Variants in ARHGEF17 observed in about 807,000 individuals in gnomAD.
ARHGEF17 encodes the protein 164 kDa Rho-specific guanine-nucleotide exchange factor.
Under a neutral mutation model 174.0 loss-of-function variants are expected in ARHGEF17, and 80 were observed. That is an observed-to-expected ratio of 0.46 (90% CI 0.38 to 0.55). The LOEUF is 0.55. Ranked by LOEUF, ARHGEF17 falls within the 20% of genes least tolerant of loss-of-function variation. ARHGEF17 has a pLI of 0.00. For synonymous variants in ARHGEF17, 1,311 were observed against 1,189.1 expected (o/e 1.10, Z -2.11); for missense variants, 2,886 against 2,839.7 (o/e 1.02, Z -0.37).
rs756207604 is a variant in ARHGEF17, at chr11:73,309,734, G to A, written c.1096G>A (p.Val366Met). 3.7e-6 allele frequency: 6 copies of A among 1,612,684 alleles called. No individual in the cohort carries two copies. In the African/African-American group the frequency reaches 4.0e-5, roughly 11 times the overall value. ...QEGLRPMSDS[V>M]GGAFRVAKVS... ...GGGACTTCGGCCTATGTCTGACTCT[G>A]TGGGAGGAGCTTTCCGTGTGGCCAA... The change falls in exon 1 of 21, where the codon GTG (valine) becomes ATG (methionine). Residue 366 changes from valine (V) to methionine (M), a missense_variant. Val to Met is a conservative substitution (Grantham distance 21). Transcript: ENST00000263674.
intron 12 of ARHGEF17, 24 bp downstream of exon 12, chr11:73,361,185 G>A (rs1480737344): frequency 1.2e-6 from 2 of 1,610,832 alleles, no homozygotes; most frequent in Non-Finnish European, 1.7e-6. Context: ...TGGGTCACTT[G>A]GGTACATGTT....
chr11:73,327,921 G>A (rs1865130861), intron 1 of ARHGEF17, among the ~76,000 whole-genome samples: 1 of 152,138 alleles, frequency 6.6e-6, no homozygotes, highest in South Asian at 2.1e-4. Context: ...GAAAAGCTGA[G>A]TACTCACGTG....
intron 1 of ARHGEF17, among the ~76,000 whole-genome samples, chr11:73,333,164 T>G (rs1016056199): frequency 2.0e-5 from 3 of 151,988 alleles, no homozygotes; most frequent in African/African-American, 7.3e-5. Flanking sequence ...TTATTGCCAA[T>G]AATAATGACA....
rs746119675 is a variant in ARHGEF17, at chr11:73,365,977, G to C, written c.5995+30G>C. The C allele has an allele frequency of 6.3e-7, 1 of 1,584,450 alleles. No individual in the cohort carries two copies. The stretch of plus-strand genomic sequence containing the variant: ...GTCAGTGCATCATACCCCAAGCTAG[G>C]GATCATGGACATTTGGTTTAGGACT... On this transcript the variant is annotated intron_variant, in intron 20 of 20. Coordinates refer to ENST00000263674, the MANE Select transcript of ARHGEF17 (RefSeq NM_014786.4). This position sits in a 1 kb window ranked among gnomAD's most constrained non-coding sequence, Gnocchi z 4.9.
chr11:73,345,481 G>A (rs1865445358), intron 1 of ARHGEF17, among the ~76,000 whole-genome samples: 1 of 152,074 alleles, frequency 6.6e-6, no homozygotes, highest in Non-Finnish European at 1.5e-5. Context: ...AGAGGGCAAG[G>A]GATCTGAAGT....
chr11:73,349,632 C>CA lies in ARHGEF17; in HGVS notation c.3270+2680dup, dbSNP rs903111030. The stretch of plus-strand genomic sequence containing the variant: ...CTCTGTCTCAAAAAACAAAACAAAA[C>CA]AAAAAAAACAAAAGGTGATGACGGC... On this transcript the variant is annotated intron_variant, in intron 2 of 20. Coordinates refer to ENST00000263674, the MANE Select transcript of ARHGEF17 (RefSeq NM_014786.4). Among the ~76,000 whole-genome samples the CA allele has an allele frequency of 8.6e-5, 13 of 151,810 alleles. No homozygotes were observed. In the East Asian group the frequency reaches 9.7e-4, roughly 11 times the overall value.
chr11:73,342,455 TA>T (rs1865385586), intron 1 of ARHGEF17, among the ~76,000 whole-genome samples: 1 of 152,172 alleles, frequency 6.6e-6, no homozygotes, highest in East Asian at 1.9e-4. Flanking sequence ...AATAGTTATG[TA>T]AACACAGAAG....
At chr11:73,324,516 G>A (rs1479216294) in intron 1 of ARHGEF17, among the ~76,000 whole-genome samples, 8 of 152,210 alleles carry the variant, frequency 5.3e-5, no homozygotes, top group Admixed American at 5.2e-4. Context: ...GCCGTCCCGA[G>A]TCGGCACTGA....
At chr11:73,328,165 G>A (rs1012369585) in intron 1 of ARHGEF17, among the ~76,000 whole-genome samples, 1 of 152,158 alleles carries the variant, frequency 6.6e-6, no homozygotes, top group African/African-American at 2.4e-5. Flanking sequence ...AGAGGATGGG[G>A]TCACTGAGAG....
intron 1 of ARHGEF17, among the ~76,000 whole-genome samples, chr11:73,318,938 G>A (rs1369499255): frequency 5.3e-5 from 8 of 152,224 alleles, no homozygotes; most frequent in South Asian, 2.1e-4. Context: ...TGGCGGCCCT[G>A]GAGAGATCAA....
Position 73,356,365 on chromosome 11 carries a change from GCCCCACCCCACCCTA to G in ARHGEF17, c.3840+28_3840+42del, listed in dbSNP as rs767307041. 1.1e-5 allele frequency: 17 copies of G among 1,593,334 alleles called. No homozygotes were observed. Among genetic ancestry groups the G allele is most frequent in the Admixed American group, 1.0e-4 (6 of 58,922 alleles). On this transcript the variant is annotated intron_variant, in intron 6 of 20. Coordinates refer to ENST00000263674, the MANE Select transcript of ARHGEF17 (RefSeq NM_014786.4). ...GGCATGGAGGATGTGCGTGCGCCCT[GCCCCACCCCACCCTA>G]CCCCACCCCACCCACATCTGTGTCC...
At position 73,365,994 on chromosome 11, in the gene ARHGEF17, T is replaced by C. The variant is rs1865831340; in HGVS notation, c.5995+47T>C. 6.4e-7 allele frequency: 1 copy of C among 1,570,302 alleles called. No homozygotes were observed. Among genetic ancestry groups the C allele is most frequent in the Non-Finnish European group, 8.6e-7 (1 of 1,159,614 alleles). ...CAAGCTAGGGATCATGGACATTTGGTTTAGGACTCCCCACTATCCTGCCAG... is the reference window on the plus strand; with the variant it reads ...CAAGCTAGGGATCATGGACATTTGGCTTAGGACTCCCCACTATCCTGCCAG... On this transcript the variant is annotated intron_variant, in intron 20 of 20. Transcript: ENST00000263674. The surrounding 1 kb of genome is among the most constrained non-coding windows in gnomAD (Gnocchi z 4.9).
rs377632104 is a variant in ARHGEF17 at position 73,363,724 on chromosome 11, C to T, written c.5247-23C>T. The T allele has an allele frequency of 4.3e-5, 69 of 1,613,076 alleles. 1 individual carries two copies. The African/African-American group carries it at 8.0e-4, about 19-fold the overall frequency. ...GCTGGTGTGCCCCAAGCATTTGTCC[C>T]AGGTGCATACCCCGATCCACAGTGT... On this transcript the variant is annotated intron_variant, in intron 15 of 20. Coordinates refer to ENST00000263674, the MANE Select transcript of ARHGEF17 (RefSeq NM_014786.4).
chr11:73,317,207 C>A (rs2135788262), intron 1 of ARHGEF17, among the ~76,000 whole-genome samples: 1 of 152,248 alleles, frequency 6.6e-6, no homozygotes, highest in South Asian at 2.1e-4. Flanking sequence ...GGTGACAGGG[C>A]CATATCCCAC....
intron 1 of ARHGEF17, among the ~76,000 whole-genome samples, chr11:73,314,394 C>T (rs550452991): frequency 1.3e-5 from 2 of 152,174 alleles, no homozygotes; most frequent in Non-Finnish European, 2.9e-5. Flanking sequence ...TGTGGTGTTG[C>T]CCCCATTGCC....
intron 1 of ARHGEF17, among the ~76,000 whole-genome samples, chr11:73,323,445 C>A (rs1865047987): frequency 6.6e-6 from 1 of 152,224 alleles, no homozygotes; most frequent in South Asian, 2.1e-4. Context: ...AGACAAAGAA[C>A]CTTGTGATAT....
At chr11:73,326,422 G>T (rs1452300302) in intron 1 of ARHGEF17, among the ~76,000 whole-genome samples, 1 of 152,182 alleles carries the variant, frequency 6.6e-6, no homozygotes, top group Non-Finnish European at 1.5e-5. Context: ...CTTGATCCCA[G>T]AGTGGTAATT....
At chr11:73,345,212 A>G (rs935738216) in intron 1 of ARHGEF17, among the ~76,000 whole-genome samples, 3 of 151,950 alleles carry the variant, frequency 2.0e-5, no homozygotes, top group South Asian at 2.1e-4. Context: ...CCGAGGATAG[A>G]TGGTCTGCTT....
intron 1 of ARHGEF17, among the ~76,000 whole-genome samples, chr11:73,334,548 G>A (rs1865257380): frequency 6.6e-6 from 1 of 152,192 alleles, no homozygotes; most frequent in Admixed American, 6.5e-5. Flanking sequence ...GGGGAAGACA[G>A]CCTCTTTTGG....
Sources: allele counts gnomAD v4.1 joint callset (sites outside exome capture counted in the v4.1 genomes callset), GRCh38; gene constraint gnomAD v4.1.1; non-coding constraint Gnocchi (gnomAD v3.1); transcripts MANE v1.5; gene names NCBI Gene and HGNC (gene_info 2026-07-23, HGNC 2026-07-21).